CYTH3: variants seen among roughly 807,000 people sequenced by gnomAD.
CYTH3 encodes cytohesin-3.
In CYTH3, 23 loss-of-function variants were observed where a neutral mutation model predicts 55.1. The ratio of observed to expected loss-of-function variants is 0.42; its 90% CI spans 0.30 to 0.59. The LOEUF is 0.59. CYTH3 is among the 20% of genes least tolerant of loss of function. The pLI is 0.20. For synonymous variants in CYTH3, 249 were observed against 194.9 expected, an observed-to-expected ratio of 1.28 and a Z score of -2.31; for missense variants, 413 against 524.8, an observed-to-expected ratio of 0.79 and a Z score of 2.08.
rs1315132829 is a variant in CYTH3 at position 6,170,331 on chromosome 7, C to T, written c.823+204G>A. ...GTGCAGCCTGGGCGCTACTCTCTGCCGCGGGCATGGCTCTGAGGCCCCGGC... is the reference window on the plus strand; with the variant it reads ...GTGCAGCCTGGGCGCTACTCTCTGCTGCGGGCATGGCTCTGAGGCCCCGGC... On this transcript the variant is annotated intron_variant, in intron 9 of 12. Coordinates refer to ENST00000350796, the MANE Select transcript of CYTH3 (RefSeq NM_004227.4). The surrounding 1 kb of genome is among the most constrained non-coding windows in gnomAD (Gnocchi z 7.8). The T allele has an allele frequency of 5.1e-6, 3 of 582,636 alleles. No homozygotes were observed. Among genetic ancestry groups the T allele is most frequent in the African/African-American group, 1.9e-5 (1 of 53,368 alleles). 36.1% of individuals were successfully genotyped at this position (582,636 alleles called of 1,614,324 possible).
At chr7:6,255,132 G>A (rs748825433) in intron 1 of CYTH3, among the ~76,000 whole-genome samples, 17 of 151,906 alleles carry the variant, frequency 1.1e-4, no homozygotes, top group Non-Finnish European at 1.9e-4. Context: ...ATTTCACTTC[G>A]GTTTTTTAAC....
At chr7:6,177,754 G>C in intron 5 of CYTH3, 69 bp downstream of exon 5, 1 of 1,227,856 alleles carries the variant, frequency 8.1e-7, no homozygotes, top group Non-Finnish European at 1.2e-6. Context: ...CGAAAGTGGA[G>C]CGTGAGCCTA....
At chr7:6,254,033 G>C (rs1780040415) in intron 1 of CYTH3, among the ~76,000 whole-genome samples, 1 of 150,922 alleles carries the variant, frequency 6.6e-6, no homozygotes, top group Admixed American at 6.6e-5. Flanking sequence ...ATAAAGAAAG[G>C]AGGCCAGGTG....
chr7:6,228,686 G>A (rs1779310331), intron 1 of CYTH3, among the ~76,000 whole-genome samples: 1 of 152,098 alleles, frequency 6.6e-6, no homozygotes, highest in African/African-American at 2.4e-5. Context: ...CTCTGAGCAG[G>A]GTCCTCCCAC....
chr7:6,197,827 C>CAA (rs1277113726), intron 1 of CYTH3, among the ~76,000 whole-genome samples: 2 of 152,232 alleles, frequency 1.3e-5, no homozygotes, highest in East Asian at 3.9e-4. Context: ...TGTAATGGCT[C>CAA]AAGCCTGTAA....
At chr7:6,193,687 C>T (rs1313641900) in intron 1 of CYTH3, among the ~76,000 whole-genome samples, 1 of 152,178 alleles carries the variant, frequency 6.6e-6, no homozygotes, top group African/African-American at 2.4e-5. Context: ...ATAAGGAGAA[C>T]TGGTTGAAAG....
intron 1 of CYTH3, among the ~76,000 whole-genome samples, chr7:6,217,273 G>C (rs1308186148): frequency 6.6e-6 from 1 of 152,130 alleles, no homozygotes. Flanking sequence ...AAGATTGGCA[G>C]AGTAGAATTT....
intron 1 of CYTH3, among the ~76,000 whole-genome samples, chr7:6,270,556 TTTATG>T (rs1780623660): frequency 6.6e-6 from 1 of 152,192 alleles, no homozygotes; most frequent in African/African-American, 2.4e-5. Context: ...GTCACCAATG[TTTATG>T]TTGTTTAAAC....
At position 6,171,390 on chromosome 7, in the gene CYTH3, G is replaced by T; in HGVS notation, c.450-76C>A. ...CACGGCCAAGGGCGGCTTCTGCCCAGCTCAGGAAGGACGTTTTCCTCCCGA... is the reference window on the plus strand; with the variant it reads ...CACGGCCAAGGGCGGCTTCTGCCCATCTCAGGAAGGACGTTTTCCTCCCGA... On this transcript the variant is annotated intron_variant, in intron 6 of 12. Coordinates refer to ENST00000350796, the MANE Select transcript of CYTH3 (RefSeq NM_004227.4). The surrounding 1 kb of genome is among the most constrained non-coding windows in gnomAD (Gnocchi z 6.7). The T allele has an allele frequency of 1.4e-6, 2 of 1,399,466 alleles. No individual in the cohort carries two copies. The highest frequency in any genetic ancestry group is 2.0e-6 in the Non-Finnish European group (2 of 994,646). 86.7% of individuals were successfully genotyped at this position (1,399,466 alleles called of 1,614,324 possible). A position where few individuals can be genotyped will look rare whatever the true frequency, so the allele number is the denominator to read the frequency against.
chr7:6,270,493 C>T (rs1780621813), intron 1 of CYTH3, among the ~76,000 whole-genome samples: 7 of 152,082 alleles, frequency 4.6e-5, no homozygotes, highest in Admixed American at 4.6e-4. Flanking sequence ...CTGAAATACA[C>T]ACTTATTCCA....
chr7:6,272,316 C>T, intron 1 of CYTH3, among the ~76,000 whole-genome samples, 158 bp downstream of exon 1: 1 of 151,528 alleles, frequency 6.6e-6, no homozygotes, highest in Non-Finnish European at 1.5e-5. Flanking sequence ...AGCCTCGGCC[C>T]TGGCCCGGCG....
Position 6,171,196 on chromosome 7 carries a change from A to G in CYTH3, c.562+6T>C. ...CAAGGGGCCAGGCTGTGGGCTCTGC[A>G]CTGACCTGTGGACTGGAAGACCCCG... is the stretch of plus-strand genomic sequence containing the variant. On this transcript the variant is annotated splice_donor_region_variant and intron_variant, in intron 7 of 12. Transcript: ENST00000350796. The surrounding 1 kb of genome is among the most constrained non-coding windows in gnomAD (Gnocchi z 6.7). 4 of 1,614,054 alleles carry G rather than the reference A, an allele frequency of 2.5e-6. No homozygotes were observed. Among genetic ancestry groups the G allele is most frequent in the Non-Finnish European group, 3.4e-6 (4 of 1,179,936 alleles).
intron 1 of CYTH3, among the ~76,000 whole-genome samples, chr7:6,197,513 T>A (rs961356335): frequency 6.6e-6 from 1 of 152,088 alleles, no homozygotes; most frequent in African/African-American, 2.4e-5. Flanking sequence ...TGAAATCCCG[T>A]CTCTACTAAA....
intron 4 of CYTH3, among the ~76,000 whole-genome samples, chr7:6,184,548 G>C (rs1308960401): frequency 6.6e-6 from 1 of 152,162 alleles, no homozygotes; most frequent in East Asian, 1.9e-4. Context: ...TCATGAAGCT[G>C]AAACCTGATG....
chr7:6,259,413 A>G (rs1041794613), intron 1 of CYTH3, among the ~76,000 whole-genome samples: 6 of 152,174 alleles, frequency 3.9e-5, no homozygotes, highest in Non-Finnish European at 8.8e-5. Context: ...AAACCAAGTC[A>G]GCTCAAAGAG....
intron 1 of CYTH3, among the ~76,000 whole-genome samples, chr7:6,265,517 G>T (rs982881759): frequency 6.6e-6 from 1 of 151,738 alleles, no homozygotes; most frequent in Admixed American, 6.6e-5. Flanking sequence ...TACTCAGGAG[G>T]CTGAGGCAGG....
chr7:6,174,213 G>A (rs1783274443), intron 5 of CYTH3, among the ~76,000 whole-genome samples: 1 of 151,562 alleles, frequency 6.6e-6, no homozygotes, highest in South Asian at 2.1e-4. Flanking sequence ...TCCTGGGTTC[G>A]AAGCGACTCT....
At chr7:6,245,771 G>A (rs1443754005) in intron 1 of CYTH3, among the ~76,000 whole-genome samples, 1 of 152,212 alleles carries the variant, frequency 6.6e-6, no homozygotes. Context: ...AGCCATGGTA[G>A]TGCACGCCTG....
chr7:6,242,899 G>A (rs186958097), intron 1 of CYTH3, among the ~76,000 whole-genome samples: 7 of 152,210 alleles, frequency 4.6e-5, no homozygotes, highest in Admixed American at 2.0e-4. Flanking sequence ...GTCACCAATC[G>A]TGAGGCTGCA....
Sources: gnomAD v4.1 joint callset for allele counts (sites outside exome capture counted in the v4.1 genomes callset) on GRCh38, gnomAD v4.1.1 for gene constraint, Gnocchi (gnomAD v3.1) non-coding constraint, MANE v1.5 for transcripts, NCBI Gene and HGNC (gene_info 2026-07-23, HGNC 2026-07-21) for gene names.